SCFD2: variants seen among roughly 807,000 people sequenced by gnomAD.
SCFD2 encodes sec1 family domain containing 2.
Under a neutral mutation model 58.9 loss-of-function variants are expected in SCFD2, and 54 were observed. That is an observed-to-expected ratio of 0.92 (90% CI 0.74 to 1.15). The LOEUF is 1.15. SCFD2 is among the 50% of genes most tolerant of loss of function. The probability of loss-of-function intolerance (pLI) is 0.00; values close to 1 mark genes in which losing one functional copy is unlikely to be tolerated. For synonymous variants in SCFD2, 321 were observed against 335.9 expected, an observed-to-expected ratio of 0.96 and a Z score of 0.49; for missense variants, 805 against 836.6, an observed-to-expected ratio of 0.96 and a Z score of 0.47.
chr4:53,044,905 A>ACC (rs1722995342), intron 5 of SCFD2, among the ~76,000 whole-genome samples: 2 of 15,678 alleles, frequency 1.3e-4, no homozygotes, highest in African/African-American at 8.3e-4. Flanking sequence ...CTCCACCCCC[A>ACC]ACCCCCCCCC....
intron 4 of SCFD2, among the ~76,000 whole-genome samples, chr4:53,168,788 A>G (rs1310210573): frequency 6.6e-6 from 1 of 152,236 alleles, no homozygotes; most frequent in Non-Finnish European, 1.5e-5. Flanking sequence ...ATTTTGAAAT[A>G]TATAGTATGT....
chr4:53,316,562 A>G (rs537387324), intron 2 of SCFD2, among the ~76,000 whole-genome samples: 20 of 152,220 alleles, frequency 1.3e-4, no homozygotes, highest in African/African-American at 4.1e-4. Flanking sequence ...TATAAGTGGT[A>G]TTGTCTTATA....
At chr4:53,130,858 C>T (rs778785920) in intron 5 of SCFD2, among the ~76,000 whole-genome samples, 22 of 152,108 alleles carry the variant, frequency 1.4e-4, no homozygotes, top group Non-Finnish European at 2.8e-4. Context: ...AGAACACTAA[C>T]TAAAAATGCA....
chr4:52,883,628 T>C (rs1315127112), intron 8 of SCFD2, among the ~76,000 whole-genome samples: 1 of 152,188 alleles, frequency 6.6e-6, no homozygotes, highest in Non-Finnish European at 1.5e-5. Context: ...GGGATTAACA[T>C]GTCTGTCAGG....
intron 8 of SCFD2, among the ~76,000 whole-genome samples, chr4:52,883,276 G>A (rs1344532241): frequency 6.6e-6 from 1 of 152,150 alleles, no homozygotes; most frequent in Non-Finnish European, 1.5e-5. Context: ...CTAAGAAAGG[G>A]AGACCCGCCA....
chr4:53,030,499 T>C (rs1722590306), intron 5 of SCFD2, among the ~76,000 whole-genome samples: 1 of 152,028 alleles, frequency 6.6e-6, no homozygotes, highest in Non-Finnish European at 1.5e-5. Flanking sequence ...CTCAGCTCAC[T>C]GCAACCTCTG....
chr4:52,878,874 C>A (rs1476001107), intron 8 of SCFD2, among the ~76,000 whole-genome samples: 1 of 152,162 alleles, frequency 6.6e-6, no homozygotes, highest in East Asian at 1.9e-4. Context: ...TCTTTTGATT[C>A]TCAGTATTAG....
intron 5 of SCFD2, among the ~76,000 whole-genome samples, chr4:53,119,073 A>G (rs998400525): frequency 1.3e-5 from 2 of 152,058 alleles, no homozygotes; most frequent in Non-Finnish European, 2.9e-5. Flanking sequence ...ATCCCAGCAC[A>G]TTGGGAAGCC....
intron 7 of SCFD2, among the ~76,000 whole-genome samples, chr4:52,893,486 G>A (rs1718927322): frequency 6.6e-6 from 1 of 152,124 alleles, no homozygotes; most frequent in Non-Finnish European, 1.5e-5. Flanking sequence ...TTTTTGCTCT[G>A]CATTCCAAAG....
At chr4:53,030,990 T>C (rs552609477) in intron 5 of SCFD2, among the ~76,000 whole-genome samples, 1 of 152,310 alleles carries the variant, frequency 6.6e-6, no homozygotes, top group Admixed American at 6.5e-5. Flanking sequence ...AAATGCATTA[T>C]GCAAAGTGAA....
At chr4:53,255,684 A>G (rs1235363145) in intron 4 of SCFD2, among the ~76,000 whole-genome samples, 2 of 152,198 alleles carry the variant, frequency 1.3e-5, no homozygotes, top group Non-Finnish European at 2.9e-5. Flanking sequence ...CTATTCCACA[A>G]AACCTCCATT....
intron 5 of SCFD2, among the ~76,000 whole-genome samples, chr4:52,938,195 A>C (rs965385508): frequency 6.6e-6 from 1 of 152,184 alleles, no homozygotes; most frequent in African/African-American, 2.4e-5. Flanking sequence ...GTATTAGTTC[A>C]TTTACTCCTC....
chr4:53,270,808 T>C lies in SCFD2; in HGVS notation c.1311+3018A>G, dbSNP rs747921212. Among the ~76,000 whole-genome samples the C allele has an allele frequency of 5.3e-5, 8 of 152,140 alleles. No individual in the cohort carries two copies. In the South Asian group the frequency reaches 6.2e-4, roughly 12 times the overall value. On this transcript the variant is annotated intron_variant, in intron 4 of 8. Transcript: ENST00000401642. Reference sequence around the variant, plus strand: ...GAATAAAAGCATAAAACTGAACATATGGATTTAAAAACACTGATGGATAAA... The same window carrying C: ...GAATAAAAGCATAAAACTGAACATACGGATTTAAAAACACTGATGGATAAA...
At chr4:53,329,958 C>A (rs4624715) in intron 2 of SCFD2, among the ~76,000 whole-genome samples, 18,725 of 151,100 alleles carry the variant, frequency 0.12, 1,153 homozygotes, top group East Asian at 0.2. Context: ...GCAGAAGCCT[C>A]AGGAGCTGAT....
chr4:53,139,694 C>G (rs1033254099), intron 5 of SCFD2, among the ~76,000 whole-genome samples: 11 of 152,140 alleles, frequency 7.2e-5, no homozygotes, highest in African/African-American at 2.7e-4. Context: ...GCCGCCACCC[C>G]ATCTGGGAGG....
At chr4:52,959,181 G>A (rs1577860428) in intron 5 of SCFD2, among the ~76,000 whole-genome samples, 2 of 152,110 alleles carry the variant, frequency 1.3e-5, no homozygotes, top group South Asian at 2.1e-4. Context: ...CTCTGGACAG[G>A]GTGTCAAGAG....
intron 5 of SCFD2, among the ~76,000 whole-genome samples, chr4:53,066,477 T>C (rs974806990): frequency 1.3e-5 from 2 of 152,050 alleles, no homozygotes; most frequent in Admixed American, 1.3e-4. Flanking sequence ...TCAAATTCTG[T>C]ACCAAAAAGT....
At chr4:53,364,019 T>C (rs1447827794) in intron 1 of SCFD2, among the ~76,000 whole-genome samples, 1 of 152,100 alleles carries the variant, frequency 6.6e-6, no homozygotes, top group African/African-American at 2.4e-5. Flanking sequence ...CAGTAATATA[T>C]AGCATCCACA....
At chr4:53,105,940 G>C (rs1724987480) in intron 5 of SCFD2, among the ~76,000 whole-genome samples, 1 of 145,568 alleles carries the variant, frequency 6.9e-6, no homozygotes, top group Admixed American at 6.9e-5. Context: ...CCTCACACAG[G>C]AGAGCTCTGG....
Sources: gnomAD v4.1 joint callset for allele counts (sites outside exome capture counted in the v4.1 genomes callset) on GRCh38, gnomAD v4.1.1 for gene constraint, MANE v1.5 for transcripts, NCBI Gene and HGNC (gene_info 2026-07-23, HGNC 2026-07-21) for gene names.